Variants in SYT2 observed in about 807,000 individuals in gnomAD.
The protein encoded by SYT2 is synaptotagmin 2.
Under a neutral mutation model 39.9 loss-of-function variants are expected in SYT2, and 15 were observed. The ratio of observed to expected loss-of-function variants is 0.38; its 90% CI spans 0.25 to 0.58. SYT2 has a LOEUF of 0.58. SYT2 is among the 20% of genes least tolerant of loss of function. SYT2 has a pLI of 0.70. For missense variants in SYT2, 389 were observed against 530.3 expected (o/e 0.73, Z 2.62); for synonymous variants, 181 against 204.5 (o/e 0.89, Z 0.98).
chr1:202,646,016 C>T (rs1459916674), intron 1 of SYT2, among the ~76,000 whole-genome samples: 3 of 152,214 alleles, frequency 2.0e-5, no homozygotes, highest in African/African-American at 7.2e-5. Flanking sequence ...GCACAGGGAG[C>T]CCCCAAAGGG....
chr1:202,624,765 TGGTGTGTGGTGTG>T (rs1691319905), intron 1 of SYT2, among the ~76,000 whole-genome samples: 1 of 21,058 alleles, frequency 4.7e-5, no homozygotes, highest in Non-Finnish European at 1.2e-4. Flanking sequence ...GGTGTGTGTG[TGGTGTGTGGTGTG>T]TGTGTGGTGT....
chr1:202,642,898 G>T (rs1433521868), intron 1 of SYT2, among the ~76,000 whole-genome samples: 2 of 152,206 alleles, frequency 1.3e-5, no homozygotes, highest in African/African-American at 4.8e-5. Context: ...TCGCTTCACC[G>T]CAGGTCCCTG....
At chr1:202,622,032 T>C (rs1691214790) in intron 1 of SYT2, among the ~76,000 whole-genome samples, 1 of 152,256 alleles carries the variant, frequency 6.6e-6, no homozygotes, top group Non-Finnish European at 1.5e-5. Context: ...CACTCAGTAC[T>C]AGCCTTGATT....
At chr1:202,665,726 C>A (rs975559939) in intron 1 of SYT2, among the ~76,000 whole-genome samples, 12 of 152,182 alleles carry the variant, frequency 7.9e-5, no homozygotes, top group Non-Finnish European at 1.6e-4. Flanking sequence ...TCTCCCTCCC[C>A]CGCATCTGTC....
chr1:202,621,522 C>T (rs1691202028), intron 1 of SYT2, among the ~76,000 whole-genome samples: 1 of 152,162 alleles, frequency 6.6e-6, no homozygotes. Flanking sequence ...GTCTTGAACT[C>T]CTGGCCTCAT....
intron 1 of SYT2, among the ~76,000 whole-genome samples, chr1:202,625,305 CTGTGTGGTGTG>C (rs1318446806): frequency 2.5e-4 from 3 of 12,004 alleles, no homozygotes; most frequent in South Asian, 2.4e-3. Context: ...TGTGCTGTGT[CTGTGTGGTGTG>C]TGTGTGGTGT....
At chr1:202,660,148 G>A (rs1692350904) in intron 1 of SYT2, among the ~76,000 whole-genome samples, 1 of 152,190 alleles carries the variant, frequency 6.6e-6, no homozygotes, top group East Asian at 1.9e-4. Context: ...AGGACAGTAA[G>A]GGAGACCTGA....
chr1:202,674,489 T>C (rs886926347), intron 1 of SYT2, among the ~76,000 whole-genome samples: 5 of 152,188 alleles, frequency 3.3e-5, no homozygotes, highest in African/African-American at 1.2e-4. Flanking sequence ...TGAAAGTCTG[T>C]GTAATATGAT....
chr1:202,634,327 G>A (rs1413142717), intron 1 of SYT2, among the ~76,000 whole-genome samples: 1 of 152,152 alleles, frequency 6.6e-6, no homozygotes, highest in Non-Finnish European at 1.5e-5. Flanking sequence ...AGACCAGCCT[G>A]ACCAACATGG....
At chr1:202,661,875 C>T (rs528801953) in intron 1 of SYT2, among the ~76,000 whole-genome samples, 4 of 152,184 alleles carry the variant, frequency 2.6e-5, no homozygotes, top group South Asian at 4.1e-4. Flanking sequence ...CATTAATGCA[C>T]GCATTTACCC....
intron 1 of SYT2, among the ~76,000 whole-genome samples, chr1:202,613,067 CCT>C (rs368551474): frequency 4.9e-5 from 6 of 121,604 alleles, no homozygotes; most frequent in South Asian, 2.6e-4. Context: ...ATTGGTTCTT[CCT>C]TTTTTTTTTT....
At chr1:202,604,642 C>A in intron 2 of SYT2, 21 bp from the exon 3 acceptor site, 1 of 1,610,210 alleles carries the variant, frequency 6.2e-7, no homozygotes, top group East Asian at 2.2e-5. Context: ...AGAGAAGATC[C>A]CAGGGTCAGC....
chr1:202,622,090 C>T (rs1235036818), intron 1 of SYT2, among the ~76,000 whole-genome samples: 1 of 152,208 alleles, frequency 6.6e-6, no homozygotes, highest in Non-Finnish European at 1.5e-5. Flanking sequence ...AGTATTTAAT[C>T]TTTCCCGGCA....
intron 1 of SYT2, among the ~76,000 whole-genome samples, chr1:202,665,361 C>CA (rs1692461142): frequency 1.3e-5 from 2 of 152,264 alleles, no homozygotes; most frequent in East Asian, 3.9e-4. Context: ...TGACATTCAT[C>CA]AAAAAATTAT....
intron 1 of SYT2, among the ~76,000 whole-genome samples, chr1:202,633,232 AC>A (rs1420745046): frequency 1.3e-5 from 2 of 152,118 alleles, no homozygotes; most frequent in African/African-American, 4.8e-5. Flanking sequence ...CTGGGCACCC[AC>A]TGGGTGCCCA....
At chr1:202,680,874 A>G (rs1653507119) in intron 1 of SYT2, among the ~76,000 whole-genome samples, 1 of 152,150 alleles carries the variant, frequency 6.6e-6, no homozygotes, top group Non-Finnish European at 1.5e-5. Flanking sequence ...TCCACTGCCT[A>G]TTGTAGGCCC....
chr1:202,624,188 G>A (rs116715529), intron 1 of SYT2, among the ~76,000 whole-genome samples: 1,660 of 151,988 alleles, frequency 0.011, 18 homozygotes, highest in Non-Finnish European at 0.017. Flanking sequence ...GGTGGGTAGG[G>A]GTATATGTGG....
chr1:202,688,879 C>T (rs1030167297), intron 1 of SYT2, among the ~76,000 whole-genome samples: 3 of 152,246 alleles, frequency 2.0e-5, no homozygotes, highest in East Asian at 1.9e-4. Context: ...CACCCAGCCT[C>T]GGATGGTGAC....
At chr1:202,611,651 TG>T (rs1690887227) in intron 1 of SYT2, among the ~76,000 whole-genome samples, 1 of 152,170 alleles carries the variant, frequency 6.6e-6, no homozygotes, top group Non-Finnish European at 1.5e-5. Context: ...CCACTGTGCC[TG>T]GTCATATTTT....
Sources: allele counts gnomAD v4.1 joint callset (sites outside exome capture counted in the v4.1 genomes callset), GRCh38; gene constraint gnomAD v4.1.1; transcripts MANE v1.5; gene names NCBI Gene and HGNC (gene_info 2026-07-23, HGNC 2026-07-21).